Variants in TLCD3B observed in about 807,000 individuals in gnomAD.
TLCD3B encodes the protein TLC domain containing 3B, also known as ceramide synthase.
A neutral mutation model predicts 23.0 loss-of-function variants in TLCD3B; 9 were observed. The ratio of observed to expected loss-of-function variants is 0.39; its 90% CI spans 0.24 to 0.68. The LOEUF (loss-of-function observed/expected upper bound fraction) is 0.68. Ranked by LOEUF, TLCD3B falls within the 30% of genes least tolerant of loss-of-function variation. The pLI is 0.44. For synonymous variants in TLCD3B, 161 were observed against 161.0 expected (o/e 1.00, Z 0.00); for missense variants, 307 against 371.8 (o/e 0.83, Z 1.43).
chr16:30,025,939 C>T lies in TLCD3B; in HGVS notation c.445-118G>A, dbSNP rs566581041. 2.6e-5 allele frequency: 20 copies of T among 767,872 alleles called. No individual in the cohort carries two copies. In the African/African-American group the frequency reaches 3.1e-4, roughly 12 times the overall value. The allele number at this position is 767,872 out of a possible 1,614,324, so 47.6% of individuals were successfully genotyped here. ...AGATGCTTGACTCTGAACATCAGAA[C>T]ACCTGGGTGCAGGGCTGGGTGCAGT... On this transcript the variant is annotated intron_variant, in intron 3 of 4. Transcript: ENST00000380495. This position sits in a 1 kb window ranked among gnomAD's most constrained non-coding sequence, Gnocchi z 4.1.
At chr16:30,038,446 C>T (rs533106429) in intron 3 of TLCD3B, among the ~76,000 whole-genome samples, 1 of 152,086 alleles carries the variant, frequency 6.6e-6, no homozygotes, top group Non-Finnish European at 1.5e-5. Flanking sequence ...GAGTGCGACT[C>T]CGTCTCTAAA....
upstream of TLCD3B, chr16:30,036,038 C>T (rs1267254229): frequency 5.9e-6 from 6 of 1,009,980 alleles, no homozygotes; most frequent in Admixed American, 7.3e-5. Context: ...GCTGGGATTA[C>T]AGGCATGAGC....
intron 2 of TLCD3B, chr16:30,027,590 T>G (rs1472485400): frequency 4.4e-6 from 2 of 455,936 alleles, no homozygotes; most frequent in Non-Finnish European, 8.8e-6. Flanking sequence ...GTCTATTTTG[T>G]GTTGTTTTTC....
chr16:30,029,617 A>G lies in TLCD3B; in HGVS notation c.126-102T>C. 1 of 1,023,724 alleles carries G rather than the reference A, an allele frequency of 9.8e-7. No homozygotes were observed. The highest frequency in any genetic ancestry group is 1.5e-6 in the Non-Finnish European group (1 of 673,470). 63.4% of individuals were successfully genotyped at this position (1,023,724 alleles called of 1,614,324 possible). A position where few individuals can be genotyped will look rare whatever the true frequency, so the allele number is the denominator to read the frequency against. On this transcript the variant is annotated intron_variant, in intron 1 of 4. Transcript: ENST00000380495. This position sits in a 1 kb window ranked among gnomAD's most constrained non-coding sequence, Gnocchi z 4.6. Reference sequence around the variant, plus strand: ...TAACGACTGCGCTTTGCGTTCAGCCACTTCTCGGGCCAGTCCTTGCCTGCC... The same window carrying G: ...TAACGACTGCGCTTTGCGTTCAGCCGCTTCTCGGGCCAGTCCTTGCCTGCC...
upstream of TLCD3B, among the ~76,000 whole-genome samples, chr16:30,031,916 G>T (rs1470568109): frequency 6.6e-6 from 1 of 152,184 alleles, no homozygotes; most frequent in Non-Finnish European, 1.5e-5. Flanking sequence ...AAGGGGAAAC[G>T]GTGGCGAGAG....
At chr16:30,037,622 G>A (rs1261485969) in intron 3 of TLCD3B, among the ~76,000 whole-genome samples, 1 of 151,936 alleles carries the variant, frequency 6.6e-6, no homozygotes, top group African/African-American at 2.4e-5. Context: ...CAGGTACTTG[G>A]AAGGATGAGG....
At chr16:30,028,372 A>G (rs1293355714) in intron 2 of TLCD3B, among the ~76,000 whole-genome samples, 2 of 152,040 alleles carry the variant, frequency 1.3e-5, no homozygotes, top group Non-Finnish European at 2.9e-5. Context: ...AGGAACAGAC[A>G]CAGGGGGGCC....
upstream of TLCD3B, chr16:30,033,758 G>C (rs915853219): frequency 2.4e-4 from 36 of 151,992 alleles, no homozygotes; most frequent in African/African-American, 8.2e-4. Context: ...TCAGGAGTTT[G>C]AGACCAGCCT....
intron 2 of TLCD3B, chr16:30,027,100 A>G (rs1387878373): frequency 3.4e-6 from 2 of 596,654 alleles, no homozygotes; most frequent in South Asian, 3.0e-5. Flanking sequence ...TAGTCGGGGG[A>G]AAAGAAAAGA....
chr16:30,047,999 G>A (rs2071698898), intron 1 of TLCD3B, among the ~76,000 whole-genome samples: 1 of 151,604 alleles, frequency 6.6e-6, no homozygotes, highest in Non-Finnish European at 1.5e-5. Flanking sequence ...AAAATTAGCT[G>A]GGCGTGGTGG....
chr16:30,024,483 C>G lies in TLCD3B; in HGVS notation c.*700G>C, dbSNP rs899072334. ...GTCTGTAAAGCACCTCCCAGGGTCC[C>G]CCGACCCCAGATTGGAGGAAGCCTT... is the stretch of plus-strand genomic sequence containing the variant. On this transcript the variant is annotated 3_prime_UTR_variant, in exon 5 of 5. Transcript: ENST00000380495. 5.4e-6 allele frequency: 3 copies of G among 560,056 alleles called. No homozygotes were observed. Among genetic ancestry groups the G allele is most frequent in the Non-Finnish European group, 9.4e-6 (3 of 318,576 alleles). The allele number at this position is 560,056 out of a possible 1,614,324, so 34.7% of individuals were successfully genotyped here. A position where few individuals can be genotyped will look rare whatever the true frequency, so the allele number is the denominator to read the frequency against.
At chr16:30,036,674 G>C in intron 3 of TLCD3B, 1 of 256,352 alleles carries the variant, frequency 3.9e-6, no homozygotes, top group South Asian at 4.1e-5. Context: ...TGTGGGGGCT[G>C]GGGGGCGGTT....
In TLCD3B at chr16:30,029,352, C is replaced by T; in HGVS notation, c.209+80G>A. ...TTGGGGACCACAGACAGAGTTCCCTCCAAGATGTGGGGTCTTCCGGGATTA... is the reference window on the plus strand; with the variant it reads ...TTGGGGACCACAGACAGAGTTCCCTTCAAGATGTGGGGTCTTCCGGGATTA... On this transcript the variant is annotated intron_variant, in intron 2 of 4. Transcript: ENST00000380495. This position sits in a 1 kb window ranked among gnomAD's most constrained non-coding sequence, Gnocchi z 4.6. The T allele has an allele frequency of 7.6e-7, 1 of 1,315,066 alleles. No individual in the cohort carries two copies. The highest frequency in any genetic ancestry group is 1.1e-6 in the Non-Finnish European group (1 of 922,372). 81.5% of individuals were successfully genotyped at this position (1,315,066 alleles called of 1,614,324 possible). A position where few individuals can be genotyped will look rare whatever the true frequency, so the allele number is the denominator to read the frequency against.
At chr16:30,045,113 A>AG (rs2071641083) in intron 2 of TLCD3B, among the ~76,000 whole-genome samples, 1 of 151,084 alleles carries the variant, frequency 6.6e-6, no homozygotes, top group Non-Finnish European at 1.5e-5. Context: ...AAAAAAAAAA[A>AG]AAAAAAGAAC....
At chr16:30,038,871 G>C (rs2071523980) in intron 3 of TLCD3B, among the ~76,000 whole-genome samples, 1 of 152,128 alleles carries the variant, frequency 6.6e-6, no homozygotes, top group South Asian at 2.1e-4. Context: ...GCACAGAGAG[G>C]TTTGGTAACT....
intron 3 of TLCD3B, among the ~76,000 whole-genome samples, chr16:30,036,816 G>A (rs975238544): frequency 2.6e-5 from 4 of 152,184 alleles, no homozygotes; most frequent in African/African-American, 7.2e-5. Flanking sequence ...CGGGCGTGGT[G>A]ACTCACGCCT....
chr16:30,034,709 G>A (rs2071433164), upstream of TLCD3B, among the ~76,000 whole-genome samples: 1 of 152,104 alleles, frequency 6.6e-6, no homozygotes, highest in South Asian at 2.1e-4. Flanking sequence ...TATCATCCCT[G>A]CAGAGCCCAC....
In TLCD3B at chr16:30,030,746, G is replaced by A; in HGVS notation, c.-219C>T. 8.2e-7 allele frequency: 1 copy of A among 1,215,680 alleles called. No homozygotes were observed. The highest frequency in any genetic ancestry group is 1.0e-6 in the Non-Finnish European group (1 of 969,316). The allele number at this position is 1,215,680 out of a possible 1,614,324, so 75.3% of individuals were successfully genotyped here. ...GCTGGCTGGGCAGAGACGGGGGAGG[G>A]GAGGATGGGAGAAGGGGAGCAGGAG... On this transcript the variant is annotated 5_prime_UTR_variant, in exon 1 of 5. Transcript: ENST00000380495.
intron 2 of TLCD3B, among the ~76,000 whole-genome samples, chr16:30,043,431 G>C (rs1042976868): frequency 1.3e-5 from 2 of 151,988 alleles, no homozygotes; most frequent in African/African-American, 4.8e-5. Context: ...GTCTCGATTT[G>C]TTGCCCAGGT....
Sources: allele counts gnomAD v4.1 joint callset (sites outside exome capture counted in the v4.1 genomes callset), GRCh38; gene constraint gnomAD v4.1.1; non-coding constraint Gnocchi (gnomAD v3.1); transcripts MANE v1.5; gene names NCBI Gene and HGNC (gene_info 2026-07-23, HGNC 2026-07-21).